Variants in NRG3 observed in about 807,000 individuals in gnomAD.
NRG3 encodes the protein pro-neuregulin-3, membrane-bound isoform.
A neutral mutation model predicts 66.9 loss-of-function variants in NRG3; 31 were observed. The ratio of observed to expected loss-of-function variants is 0.46; its 90% CI spans 0.35 to 0.63. The LOEUF is 0.63. Ranked by LOEUF, NRG3 falls within the 20% of genes least tolerant of loss-of-function variation. The pLI, the probability that NRG3 is intolerant of heterozygous loss-of-function variation, is 0.00. For synonymous variants in NRG3, 393 were observed against 359.4 expected (o/e 1.09, Z -1.06); for missense variants, 910 against 878.9 (o/e 1.04, Z -0.45).
intron 2 of NRG3, among the ~76,000 whole-genome samples, chr10:82,368,523 A>T (rs1233646119): frequency 7.3e-6 from 1 of 137,688 alleles, no homozygotes. Context: ...AAAACATGGG[A>T]AAAACACTCC....
intron 1 of NRG3, among the ~76,000 whole-genome samples, chr10:82,032,556 A>G (rs903349811): frequency 2.0e-5 from 3 of 152,114 alleles, no homozygotes; most frequent in Admixed American, 6.6e-5. Context: ...TTTGAAGACT[A>G]TATTCACACC....
intron 3 of NRG3, among the ~76,000 whole-genome samples, chr10:82,792,679 T>C (rs2060633206): frequency 6.6e-6 from 1 of 152,054 alleles, no homozygotes; most frequent in Non-Finnish European, 1.5e-5. Flanking sequence ...TGAGGGTTTT[T>C]ATTTATTTAT....
intron 1 of NRG3, among the ~76,000 whole-genome samples, chr10:82,129,397 A>G (rs1209671557): frequency 6.6e-6 from 1 of 151,980 alleles, no homozygotes; most frequent in East Asian, 1.9e-4. Flanking sequence ...TATCTCCTCT[A>G]TAGATTTCCT....
intron 1 of NRG3, among the ~76,000 whole-genome samples, chr10:82,014,477 A>G (rs767125057): frequency 1.3e-5 from 2 of 152,208 alleles, no homozygotes; most frequent in Admixed American, 6.5e-5. Context: ...ACACCATCAC[A>G]GAGTGTATAG....
intron 6 of NRG3, among the ~76,000 whole-genome samples, chr10:82,972,253 A>G (rs1410176962): frequency 6.6e-6 from 1 of 152,070 alleles, no homozygotes; most frequent in Non-Finnish European, 1.5e-5. Context: ...TTTGTTCATC[A>G]GTGTCTAAAA....
intron 1 of NRG3, among the ~76,000 whole-genome samples, chr10:82,300,113 TGTTA>T (rs1447842556): frequency 6.6e-6 from 1 of 152,150 alleles, no homozygotes; most frequent in Non-Finnish European, 1.5e-5. Context: ...GTAAACACAT[TGTTA>T]GTTTGGGGAT....
At chr10:82,400,209 AG>A (rs2086988196) in intron 2 of NRG3, among the ~76,000 whole-genome samples, 1 of 152,196 alleles carries the variant, frequency 6.6e-6, no homozygotes, top group African/African-American at 2.4e-5. Context: ...CAGTAATGTT[AG>A]TAATAAAATC....
At chr10:82,778,014 C>T (rs1415081808) in intron 3 of NRG3, among the ~76,000 whole-genome samples, 1 of 151,938 alleles carries the variant, frequency 6.6e-6, no homozygotes, top group African/African-American at 2.4e-5. Flanking sequence ...GGTAACCCAG[C>T]TCAGCCAAGG....
At chr10:82,413,627 G>GT (rs1200582847) in intron 2 of NRG3, among the ~76,000 whole-genome samples, 2 of 152,096 alleles carry the variant, frequency 1.3e-5, no homozygotes, top group Non-Finnish European at 2.9e-5. Flanking sequence ...AGCTATGAGG[G>GT]TTTTAGATGG....
chr10:82,833,528 G>A (rs1480979726), intron 3 of NRG3, among the ~76,000 whole-genome samples: 1 of 152,140 alleles, frequency 6.6e-6, no homozygotes, highest in Non-Finnish European at 1.5e-5. Flanking sequence ...CCTCCCACCA[G>A]TTGCCTAATA....
At chr10:82,693,023 C>A (rs1004762490) in intron 2 of NRG3, among the ~76,000 whole-genome samples, 1 of 152,140 alleles carries the variant, frequency 6.6e-6, no homozygotes, top group African/African-American at 2.4e-5. Flanking sequence ...TACTCGATGT[C>A]ACTATAGAAG....
At chr10:82,100,682 T>A (rs1038820616) in intron 1 of NRG3, among the ~76,000 whole-genome samples, 18 of 152,098 alleles carry the variant, frequency 1.2e-4, no homozygotes, top group African/African-American at 4.1e-4. Context: ...TTTTAAAATA[T>A]TAAGTCATCT....
chr10:82,433,608 C>T (rs758897743), intron 2 of NRG3, among the ~76,000 whole-genome samples: 6 of 152,150 alleles, frequency 3.9e-5, no homozygotes, highest in Non-Finnish European at 8.8e-5. Flanking sequence ...TTTAATCCAT[C>T]TTCAATTAAT....
Position 82,083,869 on chromosome 10 carries a change from G to C in NRG3, c.823+207706G>C, listed in dbSNP as rs796761935. Among the ~76,000 whole-genome samples the C allele has an allele frequency of 2.0e-5, 3 of 151,372 alleles. No homozygotes were observed. The South Asian group carries it at 6.3e-4, about 32-fold the overall frequency. ...CGACCTCAGGTGATCCACCTGCCTTGGCCTCCCAAAGTGCTGGGATTACAG... is the reference window on the plus strand; with the variant it reads ...CGACCTCAGGTGATCCACCTGCCTTCGCCTCCCAAAGTGCTGGGATTACAG... On this transcript the variant is annotated intron_variant, in intron 1 of 8. Transcript: ENST00000372141.
chr10:82,917,996 ATGTATG>A (rs1846041033), intron 4 of NRG3, among the ~76,000 whole-genome samples: 4 of 124,518 alleles, frequency 3.2e-5, no homozygotes, highest in Admixed American at 8.2e-5. Context: ...ATATATATGT[ATGTATG>A]TATCTCTCTC....
chr10:82,978,966 T>A lies in NRG3; in HGVS notation c.1429T>A (p.Cys477Ser), dbSNP rs2132645680. 6.2e-7 allele frequency: 1 copy of A among 1,613,948 alleles called. No individual in the cohort carries two copies. Residue 477 changes from cysteine (C) to serine (S), a missense_variant, in exon 8 of 9, where the codon TGC (cysteine) becomes AGC (serine). Physicochemically the swap from Cys to Ser is moderately radical, Grantham distance 112. Transcript: ENST00000372141. Reference sequence around the variant, plus strand: ...CCCCAGCAGGAGTCTATCCTCTTGCTGCAGCCCAGGGCAAAGAAGTGGCAT... The same window carrying A: ...CCCCAGCAGGAGTCTATCCTCTTGCAGCAGCCCAGGGCAAAGAAGTGGCAT... ...VKHHRSLSSC[C>S]SPGQRSGMLH...
At chr10:81,943,606 C>T (rs1048763423) in intron 1 of NRG3, among the ~76,000 whole-genome samples, 14 of 152,324 alleles carry the variant, frequency 9.2e-5, no homozygotes, top group Admixed American at 2.6e-4. Context: ...TGTAAAGATA[C>T]TCTGCCTAGA....
chr10:82,038,794 GTC>G (rs1267190708), intron 1 of NRG3, among the ~76,000 whole-genome samples: 1 of 152,022 alleles, frequency 6.6e-6, no homozygotes. Flanking sequence ...CTTCACATGT[GTC>G]TCTGTTCTGT....
At chr10:82,509,505 C>T (rs903296617) in intron 2 of NRG3, among the ~76,000 whole-genome samples, 1 of 152,162 alleles carries the variant, frequency 6.6e-6, no homozygotes, top group African/African-American at 2.4e-5. Flanking sequence ...GGGCACAAGC[C>T]AGTCAGAATG....
Sources: gnomAD v4.1 joint callset for allele counts (sites outside exome capture counted in the v4.1 genomes callset) on GRCh38, gnomAD v4.1.1 for gene constraint, MANE v1.5 for transcripts, NCBI Gene and HGNC (gene_info 2026-07-23, HGNC 2026-07-21) for gene names.